The following KIAA1958 variants were observed in gnomAD, a reference collection of about 807,000 sequenced individuals.
The protein encoded by KIAA1958 is KIAA1958.
A neutral mutation model predicts 47.2 loss-of-function variants in KIAA1958; 14 were observed. The observed-to-expected ratio is 0.30, with a 90% confidence interval of 0.20 to 0.46. The LOEUF (loss-of-function observed/expected upper bound fraction) is 0.46. Ranked by LOEUF, KIAA1958 falls within the 20% of genes least tolerant of loss-of-function variation. KIAA1958 has a pLI of 1.00. For synonymous variants in KIAA1958, 354 were observed against 353.3 expected, an observed-to-expected ratio of 1.00 and a Z score of -0.02; for missense variants, 803 against 909.2, an observed-to-expected ratio of 0.88 and a Z score of 1.50.
At chr9:112,656,941 G>A (rs1458754539) in intron 3 of KIAA1958, among the ~76,000 whole-genome samples, 5 of 152,186 alleles carry the variant, frequency 3.3e-5, no homozygotes, top group East Asian at 1.9e-4. Flanking sequence ...TGATTTAGGT[G>A]TATACACACT....
At chr9:112,564,491 G>A (rs1427936797) in intron 1 of KIAA1958, among the ~76,000 whole-genome samples, 1 of 152,106 alleles carries the variant, frequency 6.6e-6, no homozygotes, top group Admixed American at 6.6e-5. Context: ...GCTAACTAGG[G>A]ACTCACTGTT....
Position 112,662,347 on chromosome 9 carries a change from G to A in KIAA1958, c.*2278G>A, listed in dbSNP as rs1837289953. ...AAACAAGAGTGAGGAAGAAAACACA[G>A]TCATCAAGTGCCAGCGTGTGCCACC... On this transcript the variant is annotated 3_prime_UTR_variant, in exon 4 of 4. Coordinates refer to ENST00000337530, the MANE Select transcript of KIAA1958 (RefSeq NM_133465.4). The A allele has an allele frequency of 6.6e-6, 1 of 152,250 alleles. No individual in the cohort carries two copies. Among genetic ancestry groups the A allele is most frequent in the South Asian group, 2.1e-4 (1 of 4,834 alleles). 9.4% of individuals were successfully genotyped at this position (152,250 alleles called of 1,614,324 possible).
chr9:112,642,632 G>T (rs1164248573), intron 2 of KIAA1958, among the ~76,000 whole-genome samples: 2 of 152,154 alleles, frequency 1.3e-5, no homozygotes, highest in African/African-American at 4.8e-5. Context: ...TTAAGCTCGG[G>T]GTTTGTCCTG....
intron 2 of KIAA1958, chr9:112,617,867 G>A (rs1377865378): frequency 1.3e-6 from 2 of 1,540,322 alleles, no homozygotes; most frequent in East Asian, 2.5e-5. Flanking sequence ...CCAATTTGTT[G>A]CAGACCAGGA....
At chr9:112,633,323 G>A (rs185979663) in intron 2 of KIAA1958, among the ~76,000 whole-genome samples, 1 of 151,574 alleles carries the variant, frequency 6.6e-6, no homozygotes, top group African/African-American at 2.4e-5. Flanking sequence ...GAAAAGGGGG[G>A]ATTTTAATTA....
chr9:112,553,528 T>G (rs1252063912), intron 1 of KIAA1958, among the ~76,000 whole-genome samples: 1 of 152,132 alleles, frequency 6.6e-6, no homozygotes, highest in Non-Finnish European at 1.5e-5. Context: ...ACTTTCCAAC[T>G]CAGTTTTATC....
At chr9:112,487,519 A>C (rs920925512) in intron 1 of KIAA1958, among the ~76,000 whole-genome samples, 1 of 152,010 alleles carries the variant, frequency 6.6e-6, no homozygotes, top group African/African-American at 2.4e-5. Flanking sequence ...GAGGAGGAAA[A>C]GGTCTGTCCT....
intron 2 of KIAA1958, among the ~76,000 whole-genome samples, chr9:112,611,729 C>G (rs1364210964): frequency 6.6e-6 from 1 of 152,022 alleles, no homozygotes; most frequent in Non-Finnish European, 1.5e-5. Flanking sequence ...ATGATAGGAG[C>G]TGATTCTAAA....
At chr9:112,515,878 CAAT>C (rs1834422620) in intron 1 of KIAA1958, among the ~76,000 whole-genome samples, 1 of 40,316 alleles carries the variant, frequency 2.5e-5, no homozygotes, top group Admixed American at 3.2e-4. Flanking sequence ...CAAGAATTAT[CAAT>C]AAAAAAATAA....
chr9:112,605,024 T>C (rs900987732), intron 2 of KIAA1958, among the ~76,000 whole-genome samples: 1 of 147,674 alleles, frequency 6.8e-6, no homozygotes, highest in African/African-American at 2.4e-5. Flanking sequence ...ATTTTATATG[T>C]TTATATACAT....
intron 2 of KIAA1958, among the ~76,000 whole-genome samples, chr9:112,607,190 C>G (rs1037921034): frequency 7.2e-5 from 11 of 152,044 alleles, no homozygotes; most frequent in African/African-American, 2.7e-4. Flanking sequence ...AACCCCATCT[C>G]TACTAAAAAT....
At chr9:112,586,409 T>C (rs1446757405) in intron 2 of KIAA1958, among the ~76,000 whole-genome samples, 20 of 152,222 alleles carry the variant, frequency 1.3e-4, no homozygotes, top group Admixed American at 1.3e-3. Context: ...CATATAATTG[T>C]TTACTAGTAT....
At chr9:112,540,539 G>T (rs1834923733) in intron 1 of KIAA1958, among the ~76,000 whole-genome samples, 1 of 151,976 alleles carries the variant, frequency 6.6e-6, no homozygotes, top group Non-Finnish European at 1.5e-5. Flanking sequence ...CCACCAGAAT[G>T]TTTTCTGTGA....
In KIAA1958 at chr9:112,668,307, AAAAC is replaced by A. The variant is rs1410971306; in HGVS notation, c.*8246_*8249del. 9.8e-5 allele frequency: 15 copies of A among 152,378 alleles called. No individual in the cohort carries two copies. Among genetic ancestry groups the A allele is most frequent in the Admixed American group, 8.5e-4 (13 of 15,312 alleles). The allele number at this position is 152,378 out of a possible 1,614,324, so 9.4% of individuals were successfully genotyped here. On this transcript the variant is annotated 3_prime_UTR_variant, in exon 4 of 4. Transcript: ENST00000337530. ...CTGTGTTTCAAAAAGCAATCAGGAA[AAAAC>A]AAACAAAAAACTTGTTTTAGAATAC...
At chr9:112,563,555 CTT>C (rs1564173613) in intron 1 of KIAA1958, among the ~76,000 whole-genome samples, 1 of 150,614 alleles carries the variant, frequency 6.6e-6, no homozygotes, top group Admixed American at 6.6e-5. Flanking sequence ...TAATTGAGCT[CTT>C]AATATTAATC....
At chr9:112,637,749 A>T (rs1836828330) in intron 2 of KIAA1958, among the ~76,000 whole-genome samples, 1 of 152,226 alleles carries the variant, frequency 6.6e-6, no homozygotes, top group Non-Finnish European at 1.5e-5. Flanking sequence ...TAGCATACTA[A>T]AGATATCATC....
At chr9:112,547,784 ATTAAC>A (rs1208406628) in intron 1 of KIAA1958, among the ~76,000 whole-genome samples, 18 of 152,144 alleles carry the variant, frequency 1.2e-4, no homozygotes, top group Non-Finnish European at 1.9e-4. Context: ...CCAGGAGAGA[ATTAAC>A]TTAACAGTCT....
At chr9:112,568,568 A>G (rs1835470111) in intron 1 of KIAA1958, among the ~76,000 whole-genome samples, 1 of 152,116 alleles carries the variant, frequency 6.6e-6, no homozygotes, top group Non-Finnish European at 1.5e-5. Context: ...GATGAAATAC[A>G]TAGCATAGCA....
rs559993333 is a variant in KIAA1958, at chr9:112,634,332, G to A, written c.1172-11318G>A. Reference sequence around the variant, plus strand: ...CAACCTCTACTTCCTGGGTTCAAGCGATTCTCCTGCCTCAGCCTCCCGAGT... The same window carrying A: ...CAACCTCTACTTCCTGGGTTCAAGCAATTCTCCTGCCTCAGCCTCCCGAGT... On this transcript the variant is annotated intron_variant, in intron 2 of 3. Coordinates refer to ENST00000337530, the MANE Select transcript of KIAA1958 (RefSeq NM_133465.4). 2.8e-4 allele frequency among the ~76,000 whole-genome samples: 43 copies of A among 152,152 alleles called. 1 individual carries two copies. In the East Asian group the frequency reaches 3.1e-3, roughly 11 times the overall value.
Sources: allele counts gnomAD v4.1 joint callset (sites outside exome capture counted in the v4.1 genomes callset), GRCh38; gene constraint gnomAD v4.1.1; transcripts MANE v1.5; gene names NCBI Gene and HGNC (gene_info 2026-07-23, HGNC 2026-07-21).